The following HERC4 variants were observed in gnomAD, a reference collection of about 807,000 sequenced individuals.
HERC4 encodes the protein probable E3 ubiquitin-protein ligase HERC4.
HERC4 carries 28 observed loss-of-function variants against 124.3 expected under a neutral mutation model. The ratio of observed to expected loss-of-function variants is 0.23; its 90% confidence interval spans 0.17 to 0.31. The LOEUF (loss-of-function observed/expected upper bound fraction) is 0.31. Among genes scored for constraint, HERC4 ranks in the 10% least tolerant of loss-of-function variants. The pLI is 1.00. For missense variants in HERC4, 713 were observed against 1,229.3 expected, an observed-to-expected ratio of 0.58 and a Z score of 6.28; for synonymous variants, 407 against 421.5, an observed-to-expected ratio of 0.97 and a Z score of 0.42.
At chr10:67,935,144 T>C (rs977474945) in intron 22 of HERC4, among the ~76,000 whole-genome samples, 3 of 151,452 alleles carry the variant, frequency 2.0e-5, no homozygotes, top group African/African-American at 7.3e-5. Flanking sequence ...GCTATCGATT[T>C]ACATTTTTTT....
intron 7 of HERC4, among the ~76,000 whole-genome samples, chr10:68,031,915 C>A (rs2039227068): frequency 6.6e-6 from 1 of 152,088 alleles, no homozygotes; most frequent in Non-Finnish European, 1.5e-5. Context: ...CCATGCCCAG[C>A]TAACTTTCGT....
At chr10:67,958,099 G>A (rs1259996978) in intron 16 of HERC4, among the ~76,000 whole-genome samples, 1 of 152,106 alleles carries the variant, frequency 6.6e-6, no homozygotes, top group Non-Finnish European at 1.5e-5. Context: ...GAGCCACTGT[G>A]CCCAGCCTGA....
At chr10:67,944,610 T>A (rs2033179919) in intron 19 of HERC4, among the ~76,000 whole-genome samples, 2 of 152,060 alleles carry the variant, frequency 1.3e-5, no homozygotes, top group African/African-American at 4.8e-5. Flanking sequence ...ACGAACTAAA[T>A]AAGGCACCAG....
At chr10:68,061,035 A>C (rs1029295381) in intron 3 of HERC4, among the ~76,000 whole-genome samples, 1 of 152,034 alleles carries the variant, frequency 6.6e-6, no homozygotes, top group Non-Finnish European at 1.5e-5. Context: ...TTTTAGCCTC[A>C]CCTCTTTCTT....
intron 19 of HERC4, among the ~76,000 whole-genome samples, chr10:67,944,063 A>T (rs2033134755): frequency 6.6e-6 from 1 of 152,258 alleles, no homozygotes; most frequent in Non-Finnish European, 1.5e-5. Context: ...CGCTGGCTTC[A>T]CCACCTGCTG....
chr10:68,007,827 G>A (rs916068605), intron 9 of HERC4: 12 of 152,252 alleles, frequency 7.9e-5, no homozygotes, highest in African/African-American at 2.9e-4. Context: ...TTTCCAACCT[G>A]AGCCAGTTCA....
chr10:67,948,731 G>A (rs2132235693), intron 19 of HERC4, among the ~76,000 whole-genome samples: 1 of 151,252 alleles, frequency 6.6e-6, no homozygotes, highest in African/African-American at 2.4e-5. Context: ...GACCAGCCTG[G>A]CCAACATGCC....
At chr10:67,928,580 G>A (rs1564913203) in intron 23 of HERC4, among the ~76,000 whole-genome samples, 2 of 152,062 alleles carry the variant, frequency 1.3e-5, no homozygotes, top group Non-Finnish European at 2.9e-5. Context: ...GCCATTAAGG[G>A]TAACATGGTA....
chr10:68,021,585 G>A (rs2038627007), intron 8 of HERC4, among the ~76,000 whole-genome samples: 1 of 152,156 alleles, frequency 6.6e-6, no homozygotes, highest in African/African-American at 2.4e-5. Context: ...AAGGTGGGCA[G>A]ATCACCAGTG....
chr10:68,042,287 G>A (rs1334297832), intron 4 of HERC4, among the ~76,000 whole-genome samples: 3 of 152,064 alleles, frequency 2.0e-5, no homozygotes, highest in Non-Finnish European at 2.9e-5. Flanking sequence ...GATTACAGGC[G>A]TGAGCCACTA....
At chr10:68,020,837 T>G (rs904657234) in intron 8 of HERC4, among the ~76,000 whole-genome samples, 5 of 150,902 alleles carry the variant, frequency 3.3e-5, no homozygotes, top group Admixed American at 3.3e-4. Context: ...CTAGAGAGAT[T>G]TGAAGGCAGA....
chr10:67,975,249 A>G (rs2035515876), intron 15 of HERC4, among the ~76,000 whole-genome samples: 1 of 152,178 alleles, frequency 6.6e-6, no homozygotes, highest in Admixed American at 6.5e-5. Context: ...ACCTATCATT[A>G]AAGTGGACTT....
At chr10:68,060,158 C>T (rs2040928572) in intron 3 of HERC4, among the ~76,000 whole-genome samples, 1 of 150,964 alleles carries the variant, frequency 6.6e-6, no homozygotes, top group Admixed American at 6.7e-5. Flanking sequence ...CAGTACCTGG[C>T]ATATAATGGA....
At chr10:68,029,672 A>C (rs537497759) in intron 7 of HERC4, among the ~76,000 whole-genome samples, 2 of 148,078 alleles carry the variant, frequency 1.4e-5, no homozygotes, top group South Asian at 4.2e-4. Context: ...GAATATTTAT[A>C]TAATTTTTAT....
intron 9 of HERC4, among the ~76,000 whole-genome samples, chr10:67,997,446 G>A (rs762480167): frequency 8.5e-5 from 13 of 152,158 alleles, no homozygotes; most frequent in East Asian, 3.9e-4. Flanking sequence ...TATTGTCACC[G>A]TAGTAAAATA....
chr10:67,927,422 ATATATATATTTT>A (rs2031213849), intron 23 of HERC4, among the ~76,000 whole-genome samples: 1 of 7,204 alleles, frequency 1.4e-4, no homozygotes, highest in African/African-American at 4.4e-4. Flanking sequence ...ATATATATAT[ATATATATATTTT>A]TTTTTTTTTT....
At chr10:67,967,008 T>C (rs565447) in intron 15 of HERC4, among the ~76,000 whole-genome samples, 147,822 of 152,232 alleles carry the variant, frequency 0.97, 71,911 homozygotes, top group East Asian at 1. Context: ...GCACCCGCCA[T>C]CATGACCGGC....
At chr10:67,927,379 CATATATATATATAT>C (rs768914387) in intron 23 of HERC4, among the ~76,000 whole-genome samples, 17 of 88,018 alleles carry the variant, frequency 1.9e-4, no homozygotes, top group African/African-American at 8.5e-4. Context: ...ATAAATACAC[CATATATATATATAT>C]ATATATATAT....
intron 16 of HERC4, among the ~76,000 whole-genome samples, chr10:67,962,135 C>A (rs1034418825): frequency 2.6e-5 from 4 of 151,918 alleles, no homozygotes; most frequent in Non-Finnish European, 5.9e-5. Context: ...ATACCCTTAT[C>A]CTCACATATG....
Sources: allele counts gnomAD v4.1 joint callset (sites outside exome capture counted in the v4.1 genomes callset), GRCh38; gene constraint gnomAD v4.1.1; transcripts MANE v1.5; gene names NCBI Gene and HGNC (gene_info 2026-07-23, HGNC 2026-07-21).